The following BBS9 variants were observed in gnomAD, a reference collection of about 807,000 sequenced individuals.
BBS9 encodes protein PTHB1.
BBS9 carries 89 observed loss-of-function variants against 117.7 expected under a neutral mutation model. That is an observed-to-expected ratio of 0.76 (90% confidence interval 0.64 to 0.90). BBS9 has a LOEUF of 0.90. Among genes scored for constraint, BBS9 ranks in the 40% least tolerant of loss-of-function variants. BBS9 has a pLI of 0.00. For missense variants in BBS9, 982 were observed against 1,042.2 expected, an observed-to-expected ratio of 0.94 and a Z score of 0.80; for synonymous variants, 379 against 370.9, an observed-to-expected ratio of 1.02 and a Z score of -0.25.
chr7:33,479,465 G>C (rs1322760013), intron 19 of BBS9, among the ~76,000 whole-genome samples: 1 of 152,154 alleles, frequency 6.6e-6, no homozygotes, highest in Non-Finnish European at 1.5e-5. Flanking sequence ...TGGCTGCATA[G>C]TATTCCATGG....
intron 21 of BBS9, among the ~76,000 whole-genome samples, chr7:33,596,673 CTGCTA>C: frequency 6.6e-6 from 1 of 152,164 alleles, no homozygotes; most frequent in East Asian, 1.9e-4. Context: ...GTTCTTCTTA[CTGCTA>C]ATATATTTTG....
At chr7:33,320,362 C>T (rs1217216156) in intron 9 of BBS9, among the ~76,000 whole-genome samples, 1 of 152,190 alleles carries the variant, frequency 6.6e-6, no homozygotes, top group Non-Finnish European at 1.5e-5. Context: ...CTGTGCCTGG[C>T]TTATTTCACT....
chr7:33,494,588 T>C (rs2129000795), intron 19 of BBS9, among the ~76,000 whole-genome samples: 1 of 152,346 alleles, frequency 6.6e-6, no homozygotes, highest in East Asian at 1.9e-4. Flanking sequence ...GGCTTTGGTC[T>C]TGTTTACCTG....
intron 5 of BBS9, among the ~76,000 whole-genome samples, chr7:33,226,730 A>G (rs1326119037): frequency 4.6e-5 from 7 of 152,232 alleles, no homozygotes; most frequent in Non-Finnish European, 7.3e-5. Flanking sequence ...GTACTGATAT[A>G]TGCCATAACA....
intron 20 of BBS9, among the ~76,000 whole-genome samples, chr7:33,527,656 C>G (rs1186652884): frequency 6.6e-6 from 1 of 152,228 alleles, no homozygotes; most frequent in Non-Finnish European, 1.5e-5. Context: ...CTGGCACTCC[C>G]TAGTGAGATG....
chr7:33,318,809 C>T (rs1811077143), intron 9 of BBS9, among the ~76,000 whole-genome samples: 1 of 152,098 alleles, frequency 6.6e-6, no homozygotes, highest in African/African-American at 2.4e-5. Flanking sequence ...AGCTTAGCTC[C>T]CACTTAAGAG....
chr7:33,411,011 G>GTT (rs765425062), intron 19 of BBS9, among the ~76,000 whole-genome samples: 30 of 96,410 alleles, frequency 3.1e-4, no homozygotes, highest in Admixed American at 1.5e-3. Flanking sequence ...AAATGTTGGT[G>GTT]TTTTTTTTTT....
intron 1 of BBS9, among the ~76,000 whole-genome samples, chr7:33,134,410 T>G (rs1322862814): frequency 6.6e-6 from 1 of 151,960 alleles, no homozygotes; most frequent in Non-Finnish European, 1.5e-5. Context: ...ATATCTTACT[T>G]GGAAAAATAC....
chr7:33,163,464 C>A (rs878940313), intron 4 of BBS9, among the ~76,000 whole-genome samples: 3 of 151,954 alleles, frequency 2.0e-5, no homozygotes, highest in Non-Finnish European at 4.4e-5. Flanking sequence ...TGGTCTTGGA[C>A]TTTTTTTGGT....
intron 20 of BBS9, among the ~76,000 whole-genome samples, chr7:33,526,165 T>G (rs1849466325): frequency 6.6e-6 from 1 of 151,924 alleles, no homozygotes; most frequent in Non-Finnish European, 1.5e-5. Context: ...GACCTTTCTC[T>G]CTGGCTGCCC....
intron 21 of BBS9, among the ~76,000 whole-genome samples, chr7:33,620,294 C>T (rs1255056378): frequency 2.6e-5 from 4 of 151,884 alleles, no homozygotes; most frequent in Non-Finnish European, 5.9e-5. Context: ...AATATAAAAT[C>T]TGAATAGATT....
chr7:33,183,798 CG>C (rs2128176871), intron 5 of BBS9, among the ~76,000 whole-genome samples: 1 of 152,168 alleles, frequency 6.6e-6, no homozygotes, highest in East Asian at 1.9e-4. Flanking sequence ...ACAAGACAAG[CG>C]GGGAACCTCA....
intron 9 of BBS9, among the ~76,000 whole-genome samples, chr7:33,320,146 A>G (rs1811385222): frequency 6.6e-6 from 1 of 152,114 alleles, no homozygotes; most frequent in Admixed American, 6.5e-5. Flanking sequence ...ACAAAAAATT[A>G]TTGTTGACTT....
At chr7:33,132,749 A>G (rs940367203) in intron 1 of BBS9, among the ~76,000 whole-genome samples, 1 of 152,106 alleles carries the variant, frequency 6.6e-6, no homozygotes, top group African/African-American at 2.4e-5. Flanking sequence ...TTATCTTAAT[A>G]TCTCAATGTC....
chr7:33,264,930 A>G (rs1184254526), intron 7 of BBS9, among the ~76,000 whole-genome samples: 3 of 152,212 alleles, frequency 2.0e-5, no homozygotes, highest in Admixed American at 6.5e-5. Flanking sequence ...TATAAGTAAA[A>G]GATAAAAATT....
chr7:33,420,548 G>T (rs1048999348), intron 19 of BBS9, among the ~76,000 whole-genome samples: 2 of 152,120 alleles, frequency 1.3e-5, no homozygotes, highest in Non-Finnish European at 2.9e-5. Flanking sequence ...CATGCAGCAG[G>T]TGCTTTGGTT....
chr7:33,463,138 G>C (rs994318831), intron 19 of BBS9, among the ~76,000 whole-genome samples: 1 of 152,008 alleles, frequency 6.6e-6, no homozygotes, highest in African/African-American at 2.4e-5. Flanking sequence ...GTATTCCCAG[G>C]CTCTCTTTGT....
At chr7:33,495,925 T>C (rs1483400478) in intron 19 of BBS9, among the ~76,000 whole-genome samples, 2 of 152,124 alleles carry the variant, frequency 1.3e-5, no homozygotes, top group East Asian at 3.8e-4. Context: ...TATAAAGAAA[T>C]GTCTCAGAAA....
chr7:33,509,626 C>G (rs766980273), intron 20 of BBS9, among the ~76,000 whole-genome samples: 6 of 152,116 alleles, frequency 3.9e-5, no homozygotes, highest in African/African-American at 9.7e-5. Context: ...TCACATGTCC[C>G]CACAAGTATT....
Sources: allele counts gnomAD v4.1 joint callset (sites outside exome capture counted in the v4.1 genomes callset), GRCh38; gene constraint gnomAD v4.1.1; transcripts MANE v1.5; gene names NCBI Gene and HGNC (gene_info 2026-07-23, HGNC 2026-07-21).